FAM222B: variants seen among roughly 807,000 people sequenced by gnomAD.
FAM222B encodes protein FAM222B.
A neutral mutation model predicts 38.0 loss-of-function variants in FAM222B; 12 were observed. The ratio of observed to expected loss-of-function variants is 0.32; its 90% CI spans 0.20 to 0.51. The LOEUF (loss-of-function observed/expected upper bound fraction) is 0.51, where lower values mean the gene tolerates loss of function less well. Ranked by LOEUF, FAM222B falls within the 20% of genes least tolerant of loss-of-function variation. FAM222B has a pLI of 0.97. For missense variants in FAM222B, 716 were observed against 754.2 expected (o/e 0.95, Z 0.59); for synonymous variants, 329 against 317.2 (o/e 1.04, Z -0.40).
intron 1 of FAM222B, among the ~76,000 whole-genome samples, chr17:28,783,175 C>T (rs946938114): frequency 6.6e-6 from 1 of 151,076 alleles, no homozygotes; most frequent in Admixed American, 6.6e-5. Flanking sequence ...CCTAGACTGT[C>T]TAGTTTAGGA....
intron 1 of FAM222B, among the ~76,000 whole-genome samples, chr17:28,814,013 C>A (rs879197407): frequency 6.6e-6 from 1 of 151,776 alleles, no homozygotes; most frequent in African/African-American, 2.4e-5. Flanking sequence ...TGTTCGAGAC[C>A]AGCCTGGTCA....
intron 1 of FAM222B, among the ~76,000 whole-genome samples, chr17:28,825,366 G>A (rs2038400205): frequency 6.6e-6 from 1 of 150,744 alleles, no homozygotes; most frequent in Non-Finnish European, 1.5e-5. Context: ...GCCCGGTGGT[G>A]GAGGTTACGG....
At chr17:28,820,094 C>A (rs2038157788) in intron 1 of FAM222B, among the ~76,000 whole-genome samples, 1 of 152,176 alleles carries the variant, frequency 6.6e-6, no homozygotes, top group African/African-American at 2.4e-5. Context: ...TAGCAACACA[C>A]AGGTCCCTAT....
intron 1 of FAM222B, among the ~76,000 whole-genome samples, chr17:28,793,171 A>G (rs995970501): frequency 7.2e-5 from 11 of 152,038 alleles, no homozygotes; most frequent in African/African-American, 2.7e-4. Flanking sequence ...CTTGGGCTCA[A>G]GCAATCCTCC....
upstream of FAM222B, among the ~76,000 whole-genome samples, chr17:28,843,611 C>G (rs1181406609): frequency 6.6e-6 from 1 of 150,606 alleles, no homozygotes; most frequent in Non-Finnish European, 1.5e-5. Flanking sequence ...CCACGCCTGG[C>G]TAACTTTTGT....
At chr17:28,762,626 CAAAAAA>C (rs10618524) in intron 2 of FAM222B, among the ~76,000 whole-genome samples, 20 of 48,148 alleles carry the variant, frequency 4.2e-4, no homozygotes, top group East Asian at 5.7e-4. Flanking sequence ...GACTCCATCT[CAAAAAA>C]AAAAAAAAAA....
Position 28,759,458 on chromosome 17 carries a change from G to A in FAM222B, c.501C>T (p.Ala167=). Residue 167 remains alanine, a synonymous_variant, in exon 3 of 3, where the codon GCC becomes GCT. Coordinates refer to ENST00000581407, the MANE Select transcript of FAM222B (RefSeq NM_001077498.3). This position sits in a 1 kb window ranked among gnomAD's most constrained non-coding sequence, Gnocchi z 4.8. The part of the protein sequence containing the change: ...ALQHAQTLAH[A]PPQTLQHPQG... ...GAGGGTGCTGCAGCGTCTGGGGAGG[G>A]GCATGGGCCAGGGTCTGTGCATGCT... The A allele has an allele frequency of 6.4e-7, 1 of 1,571,924 alleles. No homozygotes were observed.
intron 1 of FAM222B, among the ~76,000 whole-genome samples, chr17:28,813,814 G>C (rs1001199902): frequency 6.6e-6 from 1 of 151,280 alleles, no homozygotes; most frequent in Non-Finnish European, 1.5e-5. Flanking sequence ...CCAAAGTGCT[G>C]GTATTACAGG....
intron 2 of FAM222B, among the ~76,000 whole-genome samples, chr17:28,765,923 T>C (rs1370759365): frequency 6.6e-6 from 1 of 152,184 alleles, no homozygotes; most frequent in Non-Finnish European, 1.5e-5. Flanking sequence ...GTTTCCATGG[T>C]AGACTACTAA....
chr17:28,786,935 C>T (rs1196438295), intron 1 of FAM222B, among the ~76,000 whole-genome samples: 3 of 133,038 alleles, frequency 2.3e-5, no homozygotes, highest in Admixed American at 8.4e-5. Context: ...GACAGAGTCT[C>T]GCTCTGTCGC....
intron 1 of FAM222B, among the ~76,000 whole-genome samples, chr17:28,849,854 G>A (rs2019410933): frequency 6.6e-6 from 1 of 152,072 alleles, no homozygotes; most frequent in African/African-American, 2.4e-5. Context: ...GGCCGAGGAG[G>A]GCGGATCACC....
intron 2 of FAM222B, among the ~76,000 whole-genome samples, chr17:28,764,097 C>T (rs1025718655): frequency 2.0e-5 from 3 of 151,964 alleles, no homozygotes; most frequent in Non-Finnish European, 4.4e-5. Context: ...AGGGGAAATA[C>T]AGAGCAGAGG....
intron 1 of FAM222B, among the ~76,000 whole-genome samples, chr17:28,785,164 T>C (rs1336978757): frequency 6.7e-6 from 1 of 150,138 alleles, no homozygotes; most frequent in Non-Finnish European, 1.5e-5. Flanking sequence ...TTCTGTGATA[T>C]AAAGCTGGGT....
At chr17:28,814,865 C>T (rs2037952627) in intron 1 of FAM222B, among the ~76,000 whole-genome samples, 1 of 151,130 alleles carries the variant, frequency 6.6e-6, no homozygotes, top group Admixed American at 6.6e-5. Flanking sequence ...CCTCTGCCTC[C>T]CGGGCTCAAG....
At chr17:28,779,478 G>A (rs909537574) in intron 1 of FAM222B, among the ~76,000 whole-genome samples, 4 of 152,222 alleles carry the variant, frequency 2.6e-5, no homozygotes, top group African/African-American at 4.8e-5. Flanking sequence ...CAGGCCGGGC[G>A]CGGTGGCTCA....
intron 1 of FAM222B, among the ~76,000 whole-genome samples, chr17:28,794,297 C>A (rs1285352323): frequency 1.3e-5 from 2 of 151,604 alleles, no homozygotes; most frequent in Admixed American, 1.3e-4. Context: ...CGGCTCACAG[C>A]AACTTCCATC....
At chr17:28,768,404 C>G (rs1054508585) in intron 1 of FAM222B, among the ~76,000 whole-genome samples, 3 of 152,114 alleles carry the variant, frequency 2.0e-5, no homozygotes, top group Admixed American at 1.3e-4. Flanking sequence ...ATAGCAACTG[C>G]AGAAAGAACT....
At chr17:28,844,781 T>C (rs2039133655), upstream of FAM222B, among the ~76,000 whole-genome samples, 1 of 151,550 alleles carries the variant, frequency 6.6e-6, no homozygotes, top group Non-Finnish European at 1.5e-5. Context: ...CTGGGCAACA[T>C]AGGGAGACTC....
chr17:28,806,715 T>C (rs2037512040), intron 1 of FAM222B, among the ~76,000 whole-genome samples: 1 of 152,220 alleles, frequency 6.6e-6, no homozygotes, highest in African/African-American at 2.4e-5. Context: ...TACTGGTGTT[T>C]GGATCCCCTT....
Sources: gnomAD v4.1 joint callset for allele counts (sites outside exome capture counted in the v4.1 genomes callset) on GRCh38, gnomAD v4.1.1 for gene constraint, Gnocchi (gnomAD v3.1) non-coding constraint, MANE v1.5 for transcripts, NCBI Gene and HGNC (gene_info 2026-07-23, HGNC 2026-07-21) for gene names.